DLGAP2: variants seen among roughly 807,000 people sequenced by gnomAD.
DLGAP2 encodes disks large-associated protein 2.
DLGAP2 carries 26 observed loss-of-function variants against 100.3 expected under a neutral mutation model. The ratio of observed to expected loss-of-function variants is 0.26; its 90% CI spans 0.19 to 0.36. DLGAP2 has a LOEUF of 0.36. Among genes scored for constraint, DLGAP2 ranks in the 10% least tolerant of loss-of-function variants. DLGAP2 has a pLI of 1.00. For synonymous variants in DLGAP2, 886 were observed against 630.1 expected (o/e 1.41, Z -6.08); for missense variants, 1,858 against 1,453.2 (o/e 1.28, Z -4.53).
At chr8:1,103,257 C>G (rs974158661) in intron 2 of DLGAP2, among the ~76,000 whole-genome samples, 30 of 152,194 alleles carry the variant, frequency 2.0e-4, no homozygotes, top group African/African-American at 7.0e-4. Context: ...CTTCCAGGCT[C>G]TGTTGGATTC....
intron 2 of DLGAP2, among the ~76,000 whole-genome samples, chr8:995,743 G>C (rs904253652): frequency 1.3e-5 from 2 of 152,192 alleles, no homozygotes; most frequent in Non-Finnish European, 2.9e-5. Context: ...AAAATAGTTT[G>C]AATCTTATTT....
At chr8:1,218,144 G>A (rs1001747527) in intron 2 of DLGAP2, among the ~76,000 whole-genome samples, 1 of 151,950 alleles carries the variant, frequency 6.6e-6, no homozygotes, top group Non-Finnish European at 1.5e-5. Context: ...GCTTTCAGAG[G>A]CATCATACAA....
intron 2 of DLGAP2, among the ~76,000 whole-genome samples, chr8:1,189,512 G>A (rs1052102948): frequency 4.6e-5 from 7 of 152,120 alleles, no homozygotes; most frequent in African/African-American, 1.7e-4. Context: ...AGTAACTCAA[G>A]TTTACACTTT....
At chr8:1,220,250 T>C (rs1798290646) in intron 2 of DLGAP2, among the ~76,000 whole-genome samples, 1 of 152,222 alleles carries the variant, frequency 6.6e-6, no homozygotes, top group Admixed American at 6.5e-5. Flanking sequence ...CATTTAGTGC[T>C]AGAAACTTTC....
intron 2 of DLGAP2, among the ~76,000 whole-genome samples, chr8:1,246,123 G>A (rs547671462): frequency 1.3e-4 from 20 of 152,236 alleles, no homozygotes; most frequent in South Asian, 8.3e-4. Flanking sequence ...GTCATGAATA[G>A]GATTCCCATA....
At chr8:1,684,300 T>C (rs4507793) in intron 12 of DLGAP2, among the ~76,000 whole-genome samples, 14,589 of 151,998 alleles carry the variant, frequency 0.096, 987 homozygotes, top group East Asian at 0.22. Flanking sequence ...ACACTTGTTA[T>C]GCCCCTCATC....
At chr8:1,684,609 T>TAATA (rs1799065091) in intron 12 of DLGAP2, among the ~76,000 whole-genome samples, 1 of 152,148 alleles carries the variant, frequency 6.6e-6, no homozygotes, top group South Asian at 2.1e-4. Flanking sequence ...CTTCTATGGT[T>TAATA]AATAAAATCT....
intron 1 of DLGAP2, chr8:822,222 G>C (rs1430027992): frequency 2.5e-6 from 1 of 399,242 alleles, no homozygotes. Flanking sequence ...CTTGCTTCCT[G>C]TGTGTGTCCG....
At chr8:778,138 C>T (rs1221066573) in intron 1 of DLGAP2, among the ~76,000 whole-genome samples, 5 of 152,126 alleles carry the variant, frequency 3.3e-5, no homozygotes, top group South Asian at 2.1e-4. Context: ...TTGATCGCAT[C>T]GGCTCCTGAG....
chr8:1,540,256 T>G (rs1801317402), intron 4 of DLGAP2, among the ~76,000 whole-genome samples: 1 of 152,304 alleles, frequency 6.6e-6, no homozygotes, highest in South Asian at 2.1e-4. Flanking sequence ...TGCCCCGCGT[T>G]TTTTAGAGTG....
At chr8:1,569,097 C>G (rs980090699) in intron 6 of DLGAP2, among the ~76,000 whole-genome samples, 1 of 151,348 alleles carries the variant, frequency 6.6e-6, no homozygotes, top group African/African-American at 2.4e-5. Flanking sequence ...GCCCGTGGCC[C>G]CCATGCCACT....
chr8:1,475,775 A>G (rs539161601), intron 3 of DLGAP2, among the ~76,000 whole-genome samples: 1 of 152,326 alleles, frequency 6.6e-6, no homozygotes, highest in East Asian at 1.9e-4. Context: ...ACTGTTCACC[A>G]ACTATTCAAT....
chr8:838,002 C>T (rs749791645), intron 1 of DLGAP2, among the ~76,000 whole-genome samples: 1 of 151,034 alleles, frequency 6.6e-6, no homozygotes, highest in African/African-American at 2.4e-5. Context: ...GCTGGGGTTA[C>T]AGGCGTGAGC....
At chr8:1,024,124 A>G (rs1279740444) in intron 2 of DLGAP2, among the ~76,000 whole-genome samples, 1 of 151,048 alleles carries the variant, frequency 6.6e-6, no homozygotes, top group African/African-American at 2.4e-5. Context: ...CCAGTGGAGG[A>G]GTGGACAGTC....
At chr8:1,039,336 G>C (rs565689700) in intron 2 of DLGAP2, among the ~76,000 whole-genome samples, 24 of 146,932 alleles carry the variant, frequency 1.6e-4, no homozygotes, top group South Asian at 6.6e-4. Context: ...AGCTTGGTGT[G>C]CGTGGTCAGC....
chr8:1,477,810 A>G (rs891915775), intron 3 of DLGAP2, among the ~76,000 whole-genome samples: 2 of 151,492 alleles, frequency 1.3e-5, no homozygotes, highest in East Asian at 3.9e-4. Flanking sequence ...AAAAAAAAAA[A>G]GGTGCCTAAT....
intron 3 of DLGAP2, among the ~76,000 whole-genome samples, chr8:1,416,641 C>G (rs971763468): frequency 2.6e-5 from 4 of 152,058 alleles, no homozygotes; most frequent in African/African-American, 7.2e-5. Context: ...GAAATATCAA[C>G]ATGGAAACTC....
chr8:1,555,755 C>A (rs371350460), intron 5 of DLGAP2, among the ~76,000 whole-genome samples: 8 of 152,252 alleles, frequency 5.3e-5, no homozygotes, highest in African/African-American at 1.7e-4. Flanking sequence ...TCAGTGACAT[C>A]ATCTTAGGAC....
chr8:1,607,563 G>C (rs907521208), intron 6 of DLGAP2, among the ~76,000 whole-genome samples: 1 of 152,238 alleles, frequency 6.6e-6, no homozygotes, highest in Non-Finnish European at 1.5e-5. Flanking sequence ...ATATCCTTTA[G>C]AAAATTGACT....
Sources: allele counts gnomAD v4.1 joint callset (sites outside exome capture counted in the v4.1 genomes callset), GRCh38; gene constraint gnomAD v4.1.1; transcripts MANE v1.5; gene names NCBI Gene and HGNC (gene_info 2026-07-23, HGNC 2026-07-21).